Variants in MRAP2 observed in about 807,000 individuals in gnomAD.
MRAP2 encodes melanocortin-2 receptor accessory protein 2.
In MRAP2, 20 loss-of-function variants were observed where a neutral mutation model predicts 17.4. The ratio of observed to expected loss-of-function variants is 1.15; its 90% CI spans 0.81 to 1.67. The LOEUF (loss-of-function observed/expected upper bound fraction) is 1.67, where lower values mean the gene tolerates loss of function less well. MRAP2 is among the 40% of genes most tolerant of loss of function. The pLI, the probability that MRAP2 is intolerant of heterozygous loss-of-function variation, is 0.00. For missense variants in MRAP2, 238 were observed against 240.0 expected, an observed-to-expected ratio of 0.99 and a Z score of 0.05; for synonymous variants, 96 against 88.4, an observed-to-expected ratio of 1.09 and a Z score of -0.48.
the MRAP2 span, among the ~76,000 whole-genome samples, chr6:84,123,928 A>G: frequency 6.6e-6 from 1 of 152,180 alleles, no homozygotes; most frequent in African/African-American, 2.4e-5. Flanking sequence ...ACATTTGTCA[A>G]CAGAAATACA....
chr6:84,126,966 T>C, the MRAP2 span, among the ~76,000 whole-genome samples: 1 of 152,192 alleles, frequency 6.6e-6, no homozygotes, highest in Non-Finnish European at 1.5e-5. Flanking sequence ...TAATTCTCTA[T>C]GGCCCTTATC....
intron 3 of MRAP2, among the ~76,000 whole-genome samples, chr6:84,085,422 G>A (rs2129175494): frequency 6.6e-6 from 1 of 152,292 alleles, no homozygotes; most frequent in Admixed American, 6.5e-5. Context: ...ACCGTCAGGA[G>A]TTTGTACTGG....
chr6:84,084,936 A>G (rs890967727), intron 3 of MRAP2, among the ~76,000 whole-genome samples: 1 of 112,456 alleles, frequency 8.9e-6, no homozygotes, highest in African/African-American at 3.3e-5. Flanking sequence ...ATTTTACTTT[A>G]TTTTATTTTA....
the MRAP2 span, among the ~76,000 whole-genome samples, chr6:84,128,616 A>C: frequency 6.6e-6 from 1 of 152,158 alleles, no homozygotes; most frequent in African/African-American, 2.4e-5. Flanking sequence ...AATAGTAGTA[A>C]CTACTCTTTT....
intron 1 of MRAP2, among the ~76,000 whole-genome samples, chr6:84,044,889 G>A (rs1168798026): frequency 2.6e-5 from 4 of 152,184 alleles, no homozygotes; most frequent in Non-Finnish European, 4.4e-5. Context: ...TTAGCCAATT[G>A]TGGATGGAAA....
intron 3 of MRAP2, among the ~76,000 whole-genome samples, chr6:84,067,043 C>T (rs1001846993): frequency 2.6e-5 from 4 of 151,932 alleles, no homozygotes; most frequent in Non-Finnish European, 4.4e-5. Context: ...CCCTCCTTCT[C>T]GTCACCCCCA....
chr6:84,109,051 A>G, the MRAP2 span, among the ~76,000 whole-genome samples: 1 of 152,148 alleles, frequency 6.6e-6, no homozygotes, highest in African/African-American at 2.4e-5. Context: ...TTGTACCAAT[A>G]CCATGCTCTT....
At chr6:84,067,597 G>A (rs559843711) in intron 3 of MRAP2, among the ~76,000 whole-genome samples, 2 of 152,114 alleles carry the variant, frequency 1.3e-5, no homozygotes, top group African/African-American at 4.8e-5. Flanking sequence ...AGGTGATATC[G>A]CACTGTGGCT....
At chr6:84,051,649 G>C (rs562009987) in intron 1 of MRAP2, among the ~76,000 whole-genome samples, 2 of 152,290 alleles carry the variant, frequency 1.3e-5, no homozygotes, top group Non-Finnish European at 2.9e-5. Flanking sequence ...TTTCAGCCAG[G>C]GAGGTCAATG....
the MRAP2 span, among the ~76,000 whole-genome samples, chr6:84,129,874 G>A: frequency 6.6e-6 from 1 of 151,984 alleles, no homozygotes; most frequent in South Asian, 2.1e-4. Context: ...TGATTGTTCT[G>A]GCCAGAACTT....
chr6:84,040,000 C>G (rs2099487102), intron 1 of MRAP2, among the ~76,000 whole-genome samples: 1 of 152,108 alleles, frequency 6.6e-6, no homozygotes, highest in Admixed American at 6.5e-5. Flanking sequence ...AATATAAAAC[C>G]TACACCATAT....
At chr6:84,057,495 CA>C (rs2099491990) in intron 2 of MRAP2, among the ~76,000 whole-genome samples, 1 of 152,210 alleles carries the variant, frequency 6.6e-6, no homozygotes, top group African/African-American at 2.4e-5. Flanking sequence ...GAAGCAACCT[CA>C]GATGGTGCTT....
At chr6:84,114,994 G>A in the MRAP2 span, among the ~76,000 whole-genome samples, 2 of 152,190 alleles carry the variant, frequency 1.3e-5, no homozygotes, top group Non-Finnish European at 2.9e-5. Flanking sequence ...GAGCTCTCCT[G>A]TATGAGGTGT....
chr6:84,104,930 A>C, the MRAP2 span, among the ~76,000 whole-genome samples: 2 of 152,212 alleles, frequency 1.3e-5, no homozygotes, highest in Admixed American at 6.5e-5. Flanking sequence ...TCAAAGTTCC[A>C]CCAATCTCTA....
At chr6:84,096,765 C>T in the MRAP2 span, among the ~76,000 whole-genome samples, 1 of 152,212 alleles carries the variant, frequency 6.6e-6, no homozygotes, top group South Asian at 2.1e-4. Flanking sequence ...GAATCAGTCC[C>T]ATCCTGAGGC....
chr6:84,119,333 T>C, the MRAP2 span, among the ~76,000 whole-genome samples: 1 of 152,254 alleles, frequency 6.6e-6, no homozygotes, highest in Non-Finnish European at 1.5e-5. Context: ...TTTGTGTTTT[T>C]GTTCAATTTC....
chr6:84,101,371 T>C, the MRAP2 span, among the ~76,000 whole-genome samples: 959 of 152,298 alleles, frequency 6.3e-3, 6 homozygotes, highest in African/African-American at 0.022. Flanking sequence ...TCATACTTAT[T>C]AGGGACAAAT....
At chr6:84,074,295 G>A (rs1240681351) in intron 3 of MRAP2, among the ~76,000 whole-genome samples, 1 of 152,156 alleles carries the variant, frequency 6.6e-6, no homozygotes, top group Non-Finnish European at 1.5e-5. Flanking sequence ...TGGGTCAGAA[G>A]GACCAACACC....
At chr6:84,037,290 T>A (rs548001700) in intron 1 of MRAP2, among the ~76,000 whole-genome samples, 138 of 144,428 alleles carry the variant, frequency 9.6e-4, no homozygotes, top group African/African-American at 3.3e-3. Context: ...AGATACAGAG[T>A]GCTGATTGGT....
Sources: gnomAD v4.1 joint callset for allele counts (sites outside exome capture counted in the v4.1 genomes callset) on GRCh38, gnomAD v4.1.1 for gene constraint, MANE v1.5 for transcripts, NCBI Gene and HGNC (gene_info 2026-07-23, HGNC 2026-07-21) for gene names.